Variants in SMARCE1 observed in about 807,000 individuals in gnomAD.
SMARCE1 encodes the protein SWI/SNF-related matrix-associated actin-dependent regulator of chromatin subfamily E member 1.
A neutral mutation model predicts 54.9 loss-of-function variants in SMARCE1; 13 were observed. The ratio of observed to expected loss-of-function variants is 0.24; its 90% CI spans 0.15 to 0.38. The LOEUF (loss-of-function observed/expected upper bound fraction) is 0.38. SMARCE1 is among the 10% of genes least tolerant of loss of function. SMARCE1 has a pLI of 1.00. For synonymous variants in SMARCE1, 151 were observed against 175.3 expected (o/e 0.86, Z 1.10); for missense variants, 295 against 523.8 (o/e 0.56, Z 4.26).
At chr17:40,631,011 C>T (rs2037088824) in intron 9 of SMARCE1, 87 bp from the exon 10 acceptor site, 1 of 975,274 alleles carries the variant, frequency 1.0e-6, no homozygotes, top group Non-Finnish European at 1.5e-6. Flanking sequence ...GTTTTCTTGC[C>T]TATAAACTAT....
rs759487067 is a variant in SMARCE1, at chr17:40,630,248, A to C, written c.1027+466T>G. On this transcript the variant is annotated intron_variant, in intron 10 of 10. Coordinates refer to ENST00000348513, the MANE Select transcript of SMARCE1 (RefSeq NM_003079.5). ...TAATCAGGAAAATCAGTATACCTAG[A>C]AGTAAGGGTTTTTCTAGGACAGAGC... 7.8e-6 allele frequency: 12 copies of C among 1,544,588 alleles called. No homozygotes were observed. In the African/African-American group the frequency reaches 1.6e-4, roughly 21 times the overall value.
intron 10 of SMARCE1, chr17:40,630,190 A>G (rs1462714549): frequency 2.6e-6 from 3 of 1,157,030 alleles, no homozygotes; most frequent in East Asian, 2.6e-5. Context: ...TATACAAGTT[A>G]TTATTATTAT....
intron 1 of SMARCE1, among the ~76,000 whole-genome samples, chr17:40,647,013 G>C (rs894095827): frequency 1.3e-5 from 2 of 152,102 alleles, no homozygotes; most frequent in Admixed American, 1.3e-4. Context: ...CGCTGCAGGG[G>C]ACCCTGACAA....
In SMARCE1 at chr17:40,642,376, T is replaced by C; in HGVS notation, c.156+79A>G. Reference sequence around the variant, plus strand: ...TTTTTTTAAATGGCTGTGCTTATGATTCAAAAAGACCTAATTCTGAAGGCA... The same window carrying C: ...TTTTTTTAAATGGCTGTGCTTATGACTCAAAAAGACCTAATTCTGAAGGCA... On this transcript the variant is annotated intron_variant, in intron 4 of 10. Coordinates refer to ENST00000348513, the MANE Select transcript of SMARCE1 (RefSeq NM_003079.5). This position sits in a 1 kb window ranked among gnomAD's most constrained non-coding sequence, Gnocchi z 4.6. 5 of 951,856 alleles carry C rather than the reference T, an allele frequency of 5.3e-6. No individual in the cohort carries two copies. The highest frequency in any genetic ancestry group is 8.7e-6 in the Non-Finnish European group (5 of 575,662). The allele number at this position is 951,856 out of a possible 1,614,324, so 59.0% of individuals were successfully genotyped here.
Position 40,638,276 on chromosome 17 carries a change from T to C in SMARCE1, c.157-704A>G, listed in dbSNP as rs1368684999. Among the ~76,000 whole-genome samples, 5 of 152,098 alleles carry C rather than the reference T, an allele frequency of 3.3e-5. No homozygotes were observed. In the South Asian group the frequency reaches 6.2e-4, roughly 19 times the overall value. On this transcript the variant is annotated intron_variant, in intron 4 of 10. Coordinates refer to ENST00000348513, the MANE Select transcript of SMARCE1 (RefSeq NM_003079.5). ...TTATCAGGAACAGAGAAGTGGCAGA[T>C]ATCGGGCCTGATTACGTTATTTTTG...
intron 9 of SMARCE1, chr17:40,631,146 T>C (rs2037091016): frequency 2.1e-6 from 1 of 486,594 alleles, no homozygotes; most frequent in Admixed American, 3.7e-5. Flanking sequence ...TAATATAGGA[T>C]ATTCCAGAGC....
At position 40,642,378 on chromosome 17, in the gene SMARCE1, CA is replaced by C. The variant is rs756004473; in HGVS notation, c.156+76del. The C allele has an allele frequency of 2.1e-5, 20 of 963,460 alleles. No individual in the cohort carries two copies. Among genetic ancestry groups the C allele is most frequent in the Non-Finnish European group, 3.4e-5 (20 of 586,436 alleles). The allele number at this position is 963,460 out of a possible 1,614,324, so 59.7% of individuals were successfully genotyped here. A position where few individuals can be genotyped will look rare whatever the true frequency, so the allele number is the denominator to read the frequency against. On this transcript the variant is annotated intron_variant, in intron 4 of 10. Coordinates refer to ENST00000348513, the MANE Select transcript of SMARCE1 (RefSeq NM_003079.5). This position sits in a 1 kb window ranked among gnomAD's most constrained non-coding sequence, Gnocchi z 4.6. ...TTTTTAAATGGCTGTGCTTATGATT[CA>C]AAAAGACCTAATTCTGAAGGCATTT...
intron 4 of SMARCE1, among the ~76,000 whole-genome samples, chr17:40,638,763 G>GA (rs1465076303): frequency 2.0e-5 from 3 of 152,078 alleles, no homozygotes; most frequent in African/African-American, 7.2e-5. Flanking sequence ...TTTAATTATC[G>GA]AAAGACAGGA....
intron 10 of SMARCE1, chr17:40,630,241 T>C (rs1445332369): frequency 3.3e-6 from 5 of 1,536,966 alleles, no homozygotes; most frequent in Non-Finnish European, 4.4e-6. Context: ...AAAATCAGTA[T>C]ACCTAGAAGT....
At chr17:40,636,306 G>T in intron 6 of SMARCE1, 89 bp downstream of exon 6, 1 of 1,420,662 alleles carries the variant, frequency 7.0e-7, no homozygotes, top group South Asian at 1.2e-5. Flanking sequence ...TCAGTGTTCT[G>T]ACCAAATCTT....
chr17:40,639,992 ACT>A, intron 4 of SMARCE1: 1 of 151,878 alleles, frequency 6.6e-6, no homozygotes. Context: ...TCTAGCAGCA[ACT>A]CTCTTTCCAA....
At position 40,645,796 on chromosome 17, in the gene SMARCE1, T is replaced by C; in HGVS notation, c.7A>G (p.Lys3Glu). 8.5e-7 allele frequency: 1 copy of C among 1,176,822 alleles called. No homozygotes were observed. The highest frequency in any genetic ancestry group is 1.2e-6 in the Non-Finnish European group (1 of 867,530). 72.9% of individuals were successfully genotyped at this position (1,176,822 alleles called of 1,614,324 possible). The change falls in exon 2 of 11, where the codon AAA becomes GAA. Residue 3 changes from lysine to glutamate, a missense_variant and splice_region_variant. Coordinates refer to ENST00000348513, the MANE Select transcript of SMARCE1 (RefSeq NM_003079.5). The part of the protein sequence containing the change: MS[K>E]RPSYAPPPTP... ...GATAAATATAAAAATTGAAACTTAC[T>C]TGACATTTTGGAAGATTAAGTTCTC...
Position 40,627,313 on chromosome 17 carries a change from G to A in SMARCE1, c.*1472C>T, listed in dbSNP as rs2037045456. 1 of 152,208 alleles carries A rather than the reference G, an allele frequency of 6.6e-6. No individual in the cohort carries two copies. Among genetic ancestry groups the A allele is most frequent in the South Asian group, 2.1e-4 (1 of 4,830 alleles). The allele number at this position is 152,208 out of a possible 1,614,324, so 9.4% of individuals were successfully genotyped here. ...CTAATGTGCTATGAACTGAATAGCA[G>A]TGAATCCACTTAAATTAACTCATGC... On this transcript the variant is annotated 3_prime_UTR_variant, in exon 11 of 11. Coordinates refer to ENST00000348513, the MANE Select transcript of SMARCE1 (RefSeq NM_003079.5).
chr17:40,644,607 C>T (rs1433906510), intron 3 of SMARCE1: 1 of 152,136 alleles, frequency 6.6e-6, no homozygotes, highest in African/African-American at 2.4e-5. Context: ...GGTACGGTAT[C>T]TCTTTTCTAA....
chr17:40,646,414 A>G (rs2037257352), intron 1 of SMARCE1, among the ~76,000 whole-genome samples: 1 of 152,218 alleles, frequency 6.6e-6, no homozygotes, highest in Non-Finnish European at 1.5e-5. Flanking sequence ...AAAAACTTTT[A>G]TTCATCATTC....
Position 40,628,116 on chromosome 17 carries a change from C to T in SMARCE1, c.*669G>A, listed in dbSNP as rs1231564661. The stretch of plus-strand genomic sequence containing the variant: ...ATAAGGATGGATTTACCAGAACATA[C>T]CCAGTATTAATCATAACAAAAAGCA... On this transcript the variant is annotated 3_prime_UTR_variant, in exon 11 of 11. Coordinates refer to ENST00000348513, the MANE Select transcript of SMARCE1 (RefSeq NM_003079.5). 6.6e-6 allele frequency: 1 copy of T among 152,484 alleles called. No homozygotes were observed. The allele number at this position is 152,484 out of a possible 1,614,324, so 9.4% of individuals were successfully genotyped here. A position where few individuals can be genotyped will look rare whatever the true frequency, so the allele number is the denominator to read the frequency against.
Position 40,630,219 on chromosome 17 carries a change from CTTTTAAT to C in SMARCE1, c.1027+488_1027+494del, listed in dbSNP as rs985996179. 5 of 1,506,512 alleles carry C rather than the reference CTTTTAAT, an allele frequency of 3.3e-6. No individual in the cohort carries two copies. In the African/African-American group the frequency reaches 5.5e-5, roughly 17 times the overall value. The allele number at this position is 1,506,512 out of a possible 1,614,324, so 93.3% of individuals were successfully genotyped here. A position where few individuals can be genotyped will look rare whatever the true frequency, so the allele number is the denominator to read the frequency against. On this transcript the variant is annotated intron_variant, in intron 10 of 10. Transcript: ENST00000348513. Reference sequence around the variant, plus strand: ...TTATTATTTTTTACCTTGAGGGATGCTTTTAATCAGGAAAATCAGTATACCTAGAAGT... The same window carrying C: ...TTATTATTTTTTACCTTGAGGGATGCCAGGAAAATCAGTATACCTAGAAGT...
At chr17:40,645,915 TAATG>T (rs2037250597) in intron 1 of SMARCE1, 68 bp from the exon 2 acceptor site, 1 of 482,892 alleles carries the variant, frequency 2.1e-6, no homozygotes, top group Admixed American at 4.3e-5. Context: ...AATGTTTTCC[TAATG>T]AATAGGGTAA....
chr17:40,634,236 C>G (rs2037124559), intron 7 of SMARCE1: 1 of 152,554 alleles, frequency 6.6e-6, no homozygotes, highest in African/African-American at 2.4e-5. Flanking sequence ...CTCAACTGAT[C>G]CTCCTACCTC....
Sources: allele counts gnomAD v4.1 joint callset (sites outside exome capture counted in the v4.1 genomes callset), GRCh38; gene constraint gnomAD v4.1.1; non-coding constraint Gnocchi (gnomAD v3.1); transcripts MANE v1.5; gene names NCBI Gene and HGNC (gene_info 2026-07-23, HGNC 2026-07-21).